Variants in TPCN1 observed in about 807,000 individuals in gnomAD.
TPCN1 encodes the protein two pore channel protein 1.
In TPCN1, 52 loss-of-function variants were observed where a neutral mutation model predicts 108.8. The observed-to-expected ratio is 0.48, with a 90% CI of 0.38 to 0.60. The LOEUF (loss-of-function observed/expected upper bound fraction) is 0.60, where lower values mean the gene tolerates loss of function less well. Among genes scored for constraint, TPCN1 ranks in the 20% least tolerant of loss-of-function variants. TPCN1 has a pLI of 0.00. For synonymous variants in TPCN1, 446 were observed against 433.7 expected (o/e 1.03, Z -0.35); for missense variants, 806 against 1,072.8 (o/e 0.75, Z 3.47).
At chr12:113,256,264 G>A (rs1320587864) in intron 2 of TPCN1, among the ~76,000 whole-genome samples, 1 of 151,980 alleles carries the variant, frequency 6.6e-6, no homozygotes, top group Admixed American at 6.6e-5. Context: ...AGTTCATATG[G>A]AAGTTCAAAT....
chr12:113,234,234 A>G (rs551491190), intron 2 of TPCN1, among the ~76,000 whole-genome samples: 3 of 152,148 alleles, frequency 2.0e-5, no homozygotes, highest in African/African-American at 2.4e-5. Context: ...CTTTTCCCCC[A>G]TGCACGCCTT....
rs963649432 is a variant in TPCN1, at chr12:113,269,028, C to T, written c.659+156C>T. 2.0e-5 allele frequency among the ~76,000 whole-genome samples: 3 copies of T among 152,194 alleles called. No homozygotes were observed. Among genetic ancestry groups the T allele is most frequent in the South Asian group, 2.1e-4 (1 of 4,828 alleles). On this transcript the variant is annotated intron_variant, in intron 6 of 27. Transcript: ENST00000335509. The surrounding 1 kb of genome is among the most constrained non-coding windows in gnomAD (Gnocchi z 5.0). Reference sequence around the variant, plus strand: ...CACTCTCCCTCTGCCATTCCATCCACGCACAGGAGAAAGCGGTATTCCTAC... The same window carrying T: ...CACTCTCCCTCTGCCATTCCATCCATGCACAGGAGAAAGCGGTATTCCTAC...
Position 113,266,261 on chromosome 12 carries a change from C to T in TPCN1, c.319C>T (p.Leu107Phe), listed in dbSNP as rs1566172933. 2 of 1,614,086 alleles carry T rather than the reference C, an allele frequency of 1.2e-6. No individual in the cohort carries two copies. The highest frequency in any genetic ancestry group is 8.5e-7 in the Non-Finnish European group (1 of 1,180,044). Residue 107 changes from leucine (L) to phenylalanine (F), a missense_variant, in exon 4 of 28, where the codon CTC becomes TTC. Transcript: ENST00000335509. This position sits in a 1 kb window ranked among gnomAD's most constrained non-coding sequence, Gnocchi z 4.2. ...GGCCTACCTCTTTGCACACAATCAC[C>T]TCTTCTACCTGATGGAGCTGGCCAC... ...LAAYLFAHNHLFYLMELATAL... is the reference protein window; with the variant it reads ...LAAYLFAHNHFFYLMELATAL...
chr12:113,270,750 A>G (rs1433112379), intron 7 of TPCN1, among the ~76,000 whole-genome samples: 1 of 152,026 alleles, frequency 6.6e-6, no homozygotes. Flanking sequence ...AAGTGCTGTG[A>G]TTATAGGCGT....
chr12:113,266,025 C>T lies in TPCN1; in HGVS notation c.238-155C>T, dbSNP rs965939676. On this transcript the variant is annotated intron_variant, in intron 3 of 27. Coordinates refer to ENST00000335509, the MANE Select transcript of TPCN1 (RefSeq NM_017901.6). The surrounding 1 kb of genome is among the most constrained non-coding windows in gnomAD (Gnocchi z 4.2). ...AGTGAGACCTGACCACCGTGAGTTT[C>T]GCGAAGATCATTTTGATTTTCCAGC... is the stretch of plus-strand genomic sequence containing the variant. Among the ~76,000 whole-genome samples, 2 of 150,492 alleles carry T rather than the reference C, an allele frequency of 1.3e-5. No individual in the cohort carries two copies. Among genetic ancestry groups the T allele is most frequent in the African/African-American group, 5.0e-5 (2 of 39,900 alleles).
intron 17 of TPCN1, among the ~76,000 whole-genome samples, chr12:113,285,548 G>T (rs967025996): frequency 6.6e-6 from 1 of 152,176 alleles, no homozygotes; most frequent in African/African-American, 2.4e-5. Flanking sequence ...GCTAATTTTT[G>T]TATTTTTTGT....
intron 18 of TPCN1, among the ~76,000 whole-genome samples, chr12:113,286,176 C>T (rs534736153): frequency 3.8e-4 from 58 of 152,340 alleles, no homozygotes; most frequent in African/African-American, 1.3e-3. Context: ...CCACCCACAC[C>T]GTCCTTCTGG....
intron 2 of TPCN1, among the ~76,000 whole-genome samples, chr12:113,235,567 C>A (rs937568333): frequency 4.0e-5 from 6 of 151,516 alleles, no homozygotes; most frequent in Non-Finnish European, 7.4e-5. Context: ...CTTAAATCGT[C>A]ACTTTCTTGT....
At chr12:113,280,927 GT>G (rs890321269) in intron 15 of TPCN1, among the ~76,000 whole-genome samples, 9 of 151,740 alleles carry the variant, frequency 5.9e-5, no homozygotes, top group Non-Finnish European at 1.5e-5. Context: ...CTAGGGTTTT[GT>G]TTTTTTTAAA....
chr12:113,225,352 C>A, intron 1 of TPCN1: 1 of 379,078 alleles, frequency 2.6e-6, no homozygotes, highest in Non-Finnish European at 5.3e-6. Flanking sequence ...AGCCACTGTG[C>A]CCAGCCTATT....
chr12:113,240,585 C>T (rs528850642), intron 2 of TPCN1, among the ~76,000 whole-genome samples: 9 of 152,248 alleles, frequency 5.9e-5, no homozygotes, highest in East Asian at 1.9e-4. Flanking sequence ...ACCTTTCCTC[C>T]GTTCTCACAT....
chr12:113,293,501 C>T (rs1245937203), intron 27 of TPCN1, 152 bp downstream of exon 27: 1 of 770,184 alleles, frequency 1.3e-6, no homozygotes, highest in Non-Finnish European at 2.2e-6. Flanking sequence ...TGTGTGGGAC[C>T]TGAGCGGGGC....
chr12:113,273,431 G>A lies in TPCN1; in HGVS notation c.843-138G>A, dbSNP rs556892903. The A allele has an allele frequency of 2.7e-5, 33 of 1,241,590 alleles. No homozygotes were observed. Among genetic ancestry groups the A allele is most frequent in the East Asian group, 2.6e-4 (11 of 43,068 alleles). The allele number at this position is 1,241,590 out of a possible 1,614,324, so 76.9% of individuals were successfully genotyped here. A position where few individuals can be genotyped will look rare whatever the true frequency, so the allele number is the denominator to read the frequency against. ...GAGACAGGGTTGGCCCACTGAGCAC[G>A]GAGCCCAGGGATGAGAGTAGGGGAA... On this transcript the variant is annotated intron_variant, in intron 9 of 27. Transcript: ENST00000335509. The surrounding 1 kb of genome is among the most constrained non-coding windows in gnomAD (Gnocchi z 4.0).
intron 2 of TPCN1, chr12:113,249,955 A>T (rs1954568125): frequency 6.6e-6 from 1 of 152,222 alleles, no homozygotes; most frequent in African/African-American, 2.4e-5. Flanking sequence ...TGAAATGGGG[A>T]TGCTGATGGT....
At chr12:113,221,840 G>C (rs1282063813) in intron 1 of TPCN1, among the ~76,000 whole-genome samples, 1 of 152,144 alleles carries the variant, frequency 6.6e-6, no homozygotes, top group Non-Finnish European at 1.5e-5. Flanking sequence ...GACTTCTTAG[G>C]GCGACCCTCA....
At chr12:113,276,105 T>C (rs954964660) in intron 10 of TPCN1, among the ~76,000 whole-genome samples, 1 of 152,214 alleles carries the variant, frequency 6.6e-6, no homozygotes, top group Non-Finnish European at 1.5e-5. Flanking sequence ...TCTCATGATA[T>C]GACCACAGGT....
intron 17 of TPCN1, among the ~76,000 whole-genome samples, chr12:113,285,199 C>T (rs1458665037): frequency 1.3e-5 from 2 of 152,214 alleles, no homozygotes; most frequent in East Asian, 1.9e-4. Context: ...TCCCTGTTGG[C>T]GTCTTTCCTC....
Position 113,288,681 on chromosome 12 carries a change from G to A in TPCN1, c.1707-77G>A, listed in dbSNP as rs907584350. On this transcript the variant is annotated intron_variant, in intron 20 of 27. Coordinates refer to ENST00000335509, the MANE Select transcript of TPCN1 (RefSeq NM_017901.6). This position sits in a 1 kb window ranked among gnomAD's most constrained non-coding sequence, Gnocchi z 4.8. ...CATGGCCCTGCAGTCAGCCCCACGG[G>A]TCCGAGGAGGCCGGGGCTGCAGAGG... The A allele has an allele frequency of 3.6e-5, 57 of 1,588,180 alleles. No individual in the cohort carries two copies. Among genetic ancestry groups the A allele is most frequent in the Non-Finnish European group, 4.6e-5 (54 of 1,171,354 alleles).
intron 2 of TPCN1, among the ~76,000 whole-genome samples, chr12:113,239,471 A>T (rs1336932976): frequency 6.6e-6 from 1 of 152,226 alleles, no homozygotes; most frequent in Non-Finnish European, 1.5e-5. Flanking sequence ...AAAGGCAGGG[A>T]TCATGTCTCT....
Sources: gnomAD v4.1 joint callset for allele counts (sites outside exome capture counted in the v4.1 genomes callset) on GRCh38, gnomAD v4.1.1 for gene constraint, Gnocchi (gnomAD v3.1) non-coding constraint, MANE v1.5 for transcripts, NCBI Gene and HGNC (gene_info 2026-07-23, HGNC 2026-07-21) for gene names.